SPECC1L: variants seen among roughly 807,000 people sequenced by gnomAD.
The protein encoded by SPECC1L is cytospin-A.
A neutral mutation model predicts 116.8 loss-of-function variants in SPECC1L; 40 were observed. That is an observed-to-expected ratio of 0.34 (90% CI 0.27 to 0.45). The LOEUF is 0.45. Ranked by LOEUF, SPECC1L falls within the 20% of genes least tolerant of loss-of-function variation. The probability of loss-of-function intolerance (pLI) is 1.00; values close to 1 mark genes in which losing one functional copy is unlikely to be tolerated. For missense variants in SPECC1L, 1,110 were observed against 1,373.6 expected (o/e 0.81, Z 3.03); for synonymous variants, 504 against 500.6 (o/e 1.01, Z -0.09).
intron 11 of SPECC1L, among the ~76,000 whole-genome samples, chr22:24,358,757 T>C (rs552532928): frequency 2.0e-5 from 3 of 152,322 alleles, no homozygotes; most frequent in African/African-American, 7.2e-5. Context: ...ACTGCCCCAC[T>C]TGGCCTCAAT....
intron 13 of SPECC1L, among the ~76,000 whole-genome samples, chr22:24,366,255 C>T (rs1033060309): frequency 2.0e-5 from 3 of 151,812 alleles, no homozygotes; most frequent in African/African-American, 4.8e-5. Context: ...TGCAGTGGCG[C>T]GATCTCGGCT....
At position 24,409,435 on chromosome 22, in the gene SPECC1L, A is replaced by G. The variant is rs559977738; in HGVS notation, c.3088-2153A>G. 2.0e-5 allele frequency among the ~76,000 whole-genome samples: 3 copies of G among 151,482 alleles called. No individual in the cohort carries two copies. In the East Asian group the frequency reaches 5.9e-4, roughly 30 times the overall value. On this transcript the variant is annotated intron_variant, in intron 14 of 16. Transcript: ENST00000314328. The stretch of plus-strand genomic sequence containing the variant: ...AATGTGTAGATTCATCTTCATAAGG[A>G]CTGTTGCAAATAAGGGTAACGGCTA...
intron 2 of SPECC1L, among the ~76,000 whole-genome samples, chr22:24,278,248 C>A (rs2048874949): frequency 6.6e-6 from 1 of 152,154 alleles, no homozygotes; most frequent in African/African-American, 2.4e-5. Context: ...GTAGTCCCAG[C>A]TACATGGGAG....
chr22:24,296,997 G>A (rs2049278830), intron 2 of SPECC1L, among the ~76,000 whole-genome samples: 1 of 148,498 alleles, frequency 6.7e-6, no homozygotes, highest in Admixed American at 6.7e-5. Context: ...CCAGGACAGA[G>A]TGTAGTGGTG....
Position 24,330,441 on chromosome 22 carries a change from G to A in SPECC1L, c.2396+10G>A. 1.9e-6 allele frequency: 3 copies of A among 1,614,012 alleles called. No homozygotes were observed. The highest frequency in any genetic ancestry group is 2.5e-6 in the Non-Finnish European group (3 of 1,179,922). ...AAATAAAGTCACGCAAGTAAGTTCTGAGAAACCTGTTGTGTACTTATGTTT... is the reference window on the plus strand; with the variant it reads ...AAATAAAGTCACGCAAGTAAGTTCTAAGAAACCTGTTGTGTACTTATGTTT... On this transcript the variant is annotated intron_variant, in intron 8 of 16. Transcript: ENST00000314328.
chr22:24,299,538 G>C (rs531613377), intron 2 of SPECC1L, among the ~76,000 whole-genome samples: 1 of 152,248 alleles, frequency 6.6e-6, no homozygotes, highest in Admixed American at 6.5e-5. Flanking sequence ...CTGCATCTCA[G>C]CATCTTTAAA....
intron 13 of SPECC1L, among the ~76,000 whole-genome samples, chr22:24,368,717 G>C (rs899433512): frequency 6.6e-6 from 1 of 152,188 alleles, no homozygotes; most frequent in South Asian, 2.1e-4. Flanking sequence ...CGTAATCTCA[G>C]CTCACTGCAA....
chr22:24,321,209 C>G (rs1342160192), intron 4 of SPECC1L, 79 bp from the exon 5 acceptor site: 1 of 1,242,872 alleles, frequency 8.0e-7, no homozygotes, highest in Non-Finnish European at 1.1e-6. Context: ...CTCATTACAC[C>G]TGGGGCAGGA....
At chr22:24,344,772 T>C (rs1168913604) in intron 10 of SPECC1L, among the ~76,000 whole-genome samples, 1 of 152,226 alleles carries the variant, frequency 6.6e-6, no homozygotes. Context: ...TTATTTGTTT[T>C]TCTGTATATT....
At chr22:24,387,376 G>A (rs1030861319) in intron 14 of SPECC1L, among the ~76,000 whole-genome samples, 9 of 152,182 alleles carry the variant, frequency 5.9e-5, no homozygotes, top group African/African-American at 2.2e-4. Flanking sequence ...TGTCAGAATA[G>A]TGGTTATCTT....
Position 24,415,428 on chromosome 22 carries a change from T to C in SPECC1L, c.*805T>C, listed in dbSNP as rs1601380856. 2 of 152,810 alleles carry C rather than the reference T, an allele frequency of 1.3e-5. No homozygotes were observed. Among genetic ancestry groups the C allele is most frequent in the East Asian group, 1.9e-4 (1 of 5,170 alleles). The allele number at this position is 152,810 out of a possible 1,614,324, so 9.5% of individuals were successfully genotyped here. On this transcript the variant is annotated 3_prime_UTR_variant, in exon 17 of 17. Coordinates refer to ENST00000314328, the MANE Select transcript of SPECC1L (RefSeq NM_015330.6). ...ATAAGGAGTTTTTCTAGTTAACATT[T>C]TTGTTTTGTTACGAGCAATGCTGGA...
At chr22:24,326,115 G>A (rs1197141317) in intron 6 of SPECC1L, among the ~76,000 whole-genome samples, 1 of 151,952 alleles carries the variant, frequency 6.6e-6, no homozygotes, top group Admixed American at 6.6e-5. Flanking sequence ...TACCACACCC[G>A]GCTAATTTTT....
chr22:24,323,221 C>T (rs1234154940), intron 5 of SPECC1L: 2 of 584,404 alleles, frequency 3.4e-6, no homozygotes, highest in Admixed American at 6.4e-5. Flanking sequence ...TGGAGCGGGT[C>T]ATGAAATTTT....
chr22:24,336,283 CTA>C (rs1424391787), intron 9 of SPECC1L, among the ~76,000 whole-genome samples: 2 of 151,254 alleles, frequency 1.3e-5, no homozygotes, highest in Non-Finnish European at 2.9e-5. Context: ...CTATATATAC[CTA>C]TATGTGTGTG....
At chr22:24,373,877 G>A (rs1398641019) in intron 14 of SPECC1L, among the ~76,000 whole-genome samples, 2 of 151,950 alleles carry the variant, frequency 1.3e-5, no homozygotes, top group Non-Finnish European at 2.9e-5. Context: ...ATCTACTCAT[G>A]TGACAAAGGG....
chr22:24,277,383 A>G (rs2048857234), intron 2 of SPECC1L, among the ~76,000 whole-genome samples: 1 of 152,244 alleles, frequency 6.6e-6, no homozygotes, highest in African/African-American at 2.4e-5. Context: ...ATGGAGATAT[A>G]ATTCACATAC....
intron 10 of SPECC1L, among the ~76,000 whole-genome samples, chr22:24,341,904 A>T (rs961562312): frequency 1.3e-5 from 2 of 152,206 alleles, no homozygotes; most frequent in African/African-American, 2.4e-5. Context: ...GCCAGCAGCC[A>T]TGTAGATGAG....
chr22:24,394,629 G>T (rs912444841), intron 14 of SPECC1L, among the ~76,000 whole-genome samples: 2 of 152,272 alleles, frequency 1.3e-5, no homozygotes, highest in African/African-American at 4.8e-5. Context: ...TTCCAGACTG[G>T]CTCTACCCTG....
At chr22:24,326,676 A>G (rs929008405) in intron 6 of SPECC1L, among the ~76,000 whole-genome samples, 1 of 152,160 alleles carries the variant, frequency 6.6e-6, no homozygotes, top group East Asian at 1.9e-4. Flanking sequence ...TTTACATCTT[A>G]AGCACTTAGA....
Sources: gnomAD v4.1 joint callset for allele counts (sites outside exome capture counted in the v4.1 genomes callset) on GRCh38, gnomAD v4.1.1 for gene constraint, MANE v1.5 for transcripts, NCBI Gene and HGNC (gene_info 2026-07-23, HGNC 2026-07-21) for gene names.